Variants in CACNG2 observed in about 807,000 individuals in gnomAD.
The protein encoded by CACNG2 is voltage-dependent calcium channel gamma-2 subunit.
A neutral mutation model predicts 25.9 loss-of-function variants in CACNG2; 3 were observed. The ratio of observed to expected loss-of-function variants is 0.12; its 90% confidence interval spans 0.05 to 0.30. The LOEUF (loss-of-function observed/expected upper bound fraction) is 0.30, where lower values mean the gene tolerates loss of function less well. CACNG2 is among the 10% of genes least tolerant of loss of function. CACNG2 has a pLI of 1.00. For missense variants in CACNG2, 341 were observed against 432.5 expected (o/e 0.79, Z 1.88); for synonymous variants, 167 against 173.3 (o/e 0.96, Z 0.29).
At chr22:36,678,709 C>T (rs972263538) in intron 1 of CACNG2, among the ~76,000 whole-genome samples, 1 of 151,730 alleles carries the variant, frequency 6.6e-6, no homozygotes, top group South Asian at 2.1e-4. Context: ...CCTCCATTTC[C>T]CCACGATGGC....
At chr22:36,618,864 G>A (rs1170578689) in intron 1 of CACNG2, among the ~76,000 whole-genome samples, 1 of 152,172 alleles carries the variant, frequency 6.6e-6, no homozygotes, top group Non-Finnish European at 1.5e-5. Context: ...AGGTTGCAGT[G>A]AGCCGAGATG....
intron 1 of CACNG2, among the ~76,000 whole-genome samples, chr22:36,626,523 G>A (rs1248583937): frequency 2.0e-5 from 3 of 152,050 alleles, no homozygotes; most frequent in Admixed American, 6.6e-5. Context: ...TAAGATCAGA[G>A]AATAGATACT....
At chr22:36,692,163 G>A (rs1937274605) in intron 1 of CACNG2, among the ~76,000 whole-genome samples, 1 of 152,166 alleles carries the variant, frequency 6.6e-6, no homozygotes, top group South Asian at 2.1e-4. Context: ...CTGGGGCATT[G>A]AAGTTGCATG....
intron 1 of CACNG2, among the ~76,000 whole-genome samples, chr22:36,651,566 A>G: frequency 6.6e-6 from 1 of 152,150 alleles, no homozygotes; most frequent in African/African-American, 2.4e-5. Context: ...CCATGAGTTC[A>G]TTTTGAACTG....
At chr22:36,637,310 G>A (rs1936371844) in intron 1 of CACNG2, among the ~76,000 whole-genome samples, 1 of 152,236 alleles carries the variant, frequency 6.6e-6, no homozygotes. Context: ...CCCAGGGACT[G>A]GTAATTGAGT....
chr22:36,661,221 G>A (rs1185718537), intron 1 of CACNG2, among the ~76,000 whole-genome samples: 1 of 152,248 alleles, frequency 6.6e-6, no homozygotes, highest in Non-Finnish European at 1.5e-5. Flanking sequence ...GTACGTCGGA[G>A]GCAGTACCCG....
chr22:36,587,173 A>G (rs1033186517), intron 2 of CACNG2, among the ~76,000 whole-genome samples: 5 of 152,162 alleles, frequency 3.3e-5, no homozygotes, highest in Admixed American at 2.0e-4. Flanking sequence ...ACCGTCCTCT[A>G]GGAACTCATG....
At chr22:36,677,440 C>T (rs531845798) in intron 1 of CACNG2, among the ~76,000 whole-genome samples, 94 of 152,306 alleles carry the variant, frequency 6.2e-4, no homozygotes, top group Non-Finnish European at 1.1e-3. Context: ...CACTGCACTG[C>T]CTGGATGGGT....
intron 1 of CACNG2, among the ~76,000 whole-genome samples, chr22:36,630,801 C>A (rs900105924): frequency 6.6e-6 from 1 of 152,092 alleles, no homozygotes; most frequent in East Asian, 1.9e-4. Context: ...CTGAGTAAGG[C>A]GGGATGGAGA....
At chr22:36,691,503 T>G (rs1210853456) in intron 1 of CACNG2, among the ~76,000 whole-genome samples, 1 of 152,208 alleles carries the variant, frequency 6.6e-6, no homozygotes, top group Non-Finnish European at 1.5e-5. Flanking sequence ...CAAACAGCAT[T>G]TCTGTTCAGC....
At chr22:36,689,030 G>A (rs1366348778) in intron 1 of CACNG2, among the ~76,000 whole-genome samples, 2 of 152,072 alleles carry the variant, frequency 1.3e-5, no homozygotes, top group African/African-American at 2.4e-5. Context: ...TACTGTTGGC[G>A]AACTCTTATT....
chr22:36,656,203 C>G (rs1013499102), intron 1 of CACNG2, among the ~76,000 whole-genome samples: 1 of 152,128 alleles, frequency 6.6e-6, no homozygotes, highest in Non-Finnish European at 1.5e-5. Context: ...ATAGACTCAC[C>G]TTATGATTTC....
At chr22:36,617,440 T>A (rs193260853) in intron 1 of CACNG2, among the ~76,000 whole-genome samples, 1 of 152,120 alleles carries the variant, frequency 6.6e-6, no homozygotes, top group East Asian at 1.9e-4. Flanking sequence ...AGAGGAAGTA[T>A]ACCAGCTTTT....
chr22:36,634,200 T>A (rs10427763), intron 1 of CACNG2, among the ~76,000 whole-genome samples: 14,731 of 152,278 alleles, frequency 0.097, 1,741 homozygotes, highest in African/African-American at 0.28. Context: ...TCTAGCACTC[T>A]GCCTGACCAC....
chr22:36,598,646 A>AG (rs1175403781), intron 1 of CACNG2, among the ~76,000 whole-genome samples: 1 of 151,418 alleles, frequency 6.6e-6, no homozygotes. Flanking sequence ...CTCCCCAAAA[A>AG]CAAAAATACA....
At position 36,702,829 on chromosome 22, in the gene CACNG2, T is replaced by G; in HGVS notation, c.-253A>C. 2.8e-6 allele frequency: 1 copy of G among 352,578 alleles called. No homozygotes were observed. Among genetic ancestry groups the G allele is most frequent in the Non-Finnish European group, 5.0e-6 (1 of 199,822 alleles). 21.8% of individuals were successfully genotyped at this position (352,578 alleles called of 1,614,324 possible). A position where few individuals can be genotyped will look rare whatever the true frequency, so the allele number is the denominator to read the frequency against. ...TTTTGAGATCAGAAACTGTTCCAGT[T>G]GCAGTGTTTTTTTTTTAAAAAGAAA... On this transcript the variant is annotated 5_prime_UTR_variant, in exon 1 of 4. Coordinates refer to ENST00000300105, the MANE Select transcript of CACNG2 (RefSeq NM_006078.5).
At chr22:36,586,733 G>A (rs952401575) in intron 2 of CACNG2, among the ~76,000 whole-genome samples, 4 of 149,446 alleles carry the variant, frequency 2.7e-5, no homozygotes, top group Admixed American at 2.0e-4. Flanking sequence ...TGAGAACCTC[G>A]GCTTTGCTGT....
In CACNG2 at chr22:36,702,870, A is replaced by C. The variant is rs1489147311; in HGVS notation, c.-294T>G. 1 of 289,424 alleles carries C rather than the reference A, an allele frequency of 3.5e-6. No homozygotes were observed. Among genetic ancestry groups the C allele is most frequent in the African/African-American group, 2.2e-5 (1 of 44,506 alleles). 17.9% of individuals were successfully genotyped at this position (289,424 alleles called of 1,614,324 possible). A position where few individuals can be genotyped will look rare whatever the true frequency, so the allele number is the denominator to read the frequency against. ...TAAAAAGAAAAGGAAAAAAAAAATAAAAAGACACCCCCCACCCCCCCAAGT... is the reference window on the plus strand; with the variant it reads ...TAAAAAGAAAAGGAAAAAAAAAATACAAAGACACCCCCCACCCCCCCAAGT... On this transcript the variant is annotated 5_prime_UTR_variant, in exon 1 of 4. Coordinates refer to ENST00000300105, the MANE Select transcript of CACNG2 (RefSeq NM_006078.5).
intron 1 of CACNG2, among the ~76,000 whole-genome samples, chr22:36,596,894 A>T (rs1407607440): frequency 1.3e-5 from 2 of 151,898 alleles, no homozygotes; most frequent in South Asian, 4.2e-4. Flanking sequence ...GGTAGCTGTG[A>T]CTACAGGCAT....
Sources: gnomAD v4.1 joint callset for allele counts (sites outside exome capture counted in the v4.1 genomes callset) on GRCh38, gnomAD v4.1.1 for gene constraint, MANE v1.5 for transcripts, NCBI Gene and HGNC (gene_info 2026-07-23, HGNC 2026-07-21) for gene names.